The following COP1 variants were observed in gnomAD, a reference collection of about 807,000 sequenced individuals.
COP1 encodes COP1 E3 ubiquitin ligase, also known as E3 ubiquitin-protein ligase COP1.
In COP1, 24 loss-of-function variants were observed where a neutral mutation model predicts 101.3. The ratio of observed to expected loss-of-function variants is 0.24; its 90% CI spans 0.17 to 0.33. The LOEUF (loss-of-function observed/expected upper bound fraction) is 0.33, where lower values mean the gene tolerates loss of function less well. COP1 is among the 10% of genes least tolerant of loss of function. COP1 has a pLI of 1.00. For missense variants in COP1, 663 were observed against 906.2 expected, an observed-to-expected ratio of 0.73 and a Z score of 3.45; for synonymous variants, 347 against 341.9, an observed-to-expected ratio of 1.01 and a Z score of -0.17.
intron 8 of COP1, among the ~76,000 whole-genome samples, chr1:176,121,639 C>T (rs192175166): frequency 1.3e-5 from 2 of 152,212 alleles, no homozygotes; most frequent in East Asian, 3.9e-4. Flanking sequence ...TGCAGTTCTC[C>T]TCTAGGACAG....
At chr1:176,101,293 C>A (rs1421343420) in intron 9 of COP1, among the ~76,000 whole-genome samples, 1 of 152,080 alleles carries the variant, frequency 6.6e-6, no homozygotes, top group Admixed American at 6.5e-5. Flanking sequence ...CAGGTATTTG[C>A]TAGGAAGAGA....
Position 176,206,759 on chromosome 1 carries a change from C to T in COP1, c.220G>A (p.Val74Ile). 1.3e-6 allele frequency: 2 copies of T among 1,515,680 alleles called. No homozygotes were observed. Among genetic ancestry groups the T allele is most frequent in the African/African-American group, 1.4e-5 (1 of 71,140 alleles). 93.9% of individuals were successfully genotyped at this position (1,515,680 alleles called of 1,614,324 possible). ...PVRPVLVAPA[V>I]SGSGGGAVST... ...ACCGCCCCGCCGCCGCTACCCGATA[C>T]GGCGGGCGCCACCAACACAGGCCGC... The change falls in exon 1 of 20, where the codon GTA (valine) becomes ATA (isoleucine). Residue 74 changes from valine to isoleucine, a missense_variant. Coordinates refer to ENST00000367669, the MANE Select transcript of COP1 (RefSeq NM_022457.7).
intron 15 of COP1, among the ~76,000 whole-genome samples, chr1:176,005,953 A>G (rs1381100425): frequency 3.9e-5 from 6 of 152,082 alleles, no homozygotes; most frequent in African/African-American, 9.7e-5. Flanking sequence ...GTGGGGTGTT[A>G]AATCTCCCAT....
At chr1:176,133,221 TATA>T (rs1689219850) in intron 8 of COP1, among the ~76,000 whole-genome samples, 1 of 55,564 alleles carries the variant, frequency 1.8e-5, no homozygotes, top group Non-Finnish European at 4.5e-5. Context: ...CACATACGTA[TATA>T]CGTACGTATA....
intron 18 of COP1, among the ~76,000 whole-genome samples, chr1:175,967,168 G>C (rs914058310): frequency 6.6e-6 from 1 of 152,098 alleles, no homozygotes; most frequent in Non-Finnish European, 1.5e-5. Context: ...AAGAAATATG[G>C]GATTTCAGAA....
intron 3 of COP1, among the ~76,000 whole-genome samples, chr1:176,167,297 A>T (rs1695290327): frequency 6.6e-6 from 1 of 152,206 alleles, no homozygotes; most frequent in Non-Finnish European, 1.5e-5. Context: ...CTATTAGCAG[A>T]AGACATCAGC....
intron 15 of COP1, among the ~76,000 whole-genome samples, chr1:176,002,344 GTTTT>G (rs1557890143): frequency 6.6e-6 from 1 of 151,464 alleles, no homozygotes; most frequent in African/African-American, 2.4e-5. Context: ...TTCTTTTTTA[GTTTT>G]TATTTATTTA....
intron 15 of COP1, among the ~76,000 whole-genome samples, chr1:175,995,711 T>G (rs1371351538): frequency 6.6e-6 from 1 of 152,134 alleles, no homozygotes; most frequent in African/African-American, 2.4e-5. Flanking sequence ...AAATTGAATC[T>G]CTGAATAGAC....
chr1:176,007,064 C>T lies in COP1; in HGVS notation c.1730-17585G>A, dbSNP rs555334290. On this transcript the variant is annotated intron_variant, in intron 15 of 19. Coordinates refer to ENST00000367669, the MANE Select transcript of COP1 (RefSeq NM_022457.7). Reference sequence around the variant, plus strand: ...TGCTCATTTCTTTTTATTCTTTTTTCTCTAAACTTCCCATCTCGCTTCATT... The same window carrying T: ...TGCTCATTTCTTTTTATTCTTTTTTTTCTAAACTTCCCATCTCGCTTCATT... Among the ~76,000 whole-genome samples the T allele has an allele frequency of 3.4e-4, 51 of 152,192 alleles. No homozygotes were observed. The East Asian group carries it at 7.1e-3, about 21-fold the overall frequency.
intron 18 of COP1, 45 bp downstream of exon 18, chr1:175,986,898 C>A (rs1389702666): frequency 1.4e-6 from 2 of 1,417,138 alleles, no homozygotes; most frequent in Non-Finnish European, 1.9e-6. Context: ...ATACATAATG[C>A]ATAATATGAG....
intron 3 of COP1, among the ~76,000 whole-genome samples, chr1:176,169,019 T>C (rs1695625834): frequency 6.6e-6 from 1 of 152,278 alleles, no homozygotes; most frequent in East Asian, 1.9e-4. Context: ...GCATCTAAAA[T>C]TTTTTGTGTG....
chr1:176,143,164 G>T (rs931145621), intron 6 of COP1, among the ~76,000 whole-genome samples: 6 of 151,582 alleles, frequency 4.0e-5, no homozygotes, highest in Non-Finnish European at 7.4e-5. Context: ...GAGAGAGAGA[G>T]GAACAAGCAA....
intron 5 of COP1, among the ~76,000 whole-genome samples, chr1:176,153,977 G>A (rs930439529): frequency 2.6e-5 from 4 of 152,162 alleles, no homozygotes; most frequent in African/African-American, 9.7e-5. Context: ...TTGGTGTACT[G>A]CTGGATTCAA....
chr1:175,971,433 T>C (rs1653215525), intron 18 of COP1, among the ~76,000 whole-genome samples: 1 of 152,210 alleles, frequency 6.6e-6, no homozygotes, highest in Non-Finnish European at 1.5e-5. Context: ...TGATATTTTA[T>C]AGCATTTTAT....
chr1:176,067,653 G>C (rs1397013505), intron 11 of COP1, among the ~76,000 whole-genome samples: 3 of 152,064 alleles, frequency 2.0e-5, no homozygotes, highest in African/African-American at 7.2e-5. Context: ...CAATACAAAA[G>C]CTTGCACTCA....
intron 3 of COP1, among the ~76,000 whole-genome samples, chr1:176,168,075 TG>T (rs1187647549): frequency 6.6e-6 from 1 of 151,820 alleles, no homozygotes. Context: ...TTTTTTTTTT[TG>T]AAACAGAGTC....
At chr1:175,973,990 G>C (rs1315890013) in intron 18 of COP1, among the ~76,000 whole-genome samples, 1 of 152,184 alleles carries the variant, frequency 6.6e-6, no homozygotes, top group Non-Finnish European at 1.5e-5. Context: ...AGTGGTAAGA[G>C]ATTGAGCTGG....
chr1:176,179,425 G>A lies in COP1; in HGVS notation c.468-3418C>T, dbSNP rs139169269. On this transcript the variant is annotated intron_variant, in intron 2 of 19. Transcript: ENST00000367669. Reference sequence around the variant, plus strand: ...ATGTGCATATGACAAGAACAAGCTAGGCTGTTAAGTCAGAGAGGAGTTTGT... The same window carrying A: ...ATGTGCATATGACAAGAACAAGCTAAGCTGTTAAGTCAGAGAGGAGTTTGT... 2.6e-3 allele frequency among the ~76,000 whole-genome samples: 400 copies of A among 152,288 alleles called. 3 individuals carry two copies. Among genetic ancestry groups the A allele is most frequent in the African/African-American group, 9.2e-3 (382 of 41,554 alleles).
At chr1:176,098,776 T>G (rs950604167) in intron 9 of COP1, among the ~76,000 whole-genome samples, 1 of 152,352 alleles carries the variant, frequency 6.6e-6, no homozygotes, top group African/African-American at 2.4e-5. Context: ...TAACATCAAG[T>G]GTTTTAAACC....
Sources: allele counts gnomAD v4.1 joint callset (sites outside exome capture counted in the v4.1 genomes callset), GRCh38; gene constraint gnomAD v4.1.1; transcripts MANE v1.5; gene names NCBI Gene and HGNC (gene_info 2026-07-23, HGNC 2026-07-21).